The following LGALS9C variants were observed in gnomAD, a reference collection of about 807,000 sequenced individuals.
LGALS9C encodes galectin-9C.
In LGALS9C, 7 loss-of-function variants were observed where a neutral mutation model predicts 41.3. That is an observed-to-expected ratio of 0.17 (90% CI 0.10 to 0.32). The LOEUF is 0.32. Among genes scored for constraint, LGALS9C ranks in the 10% least tolerant of loss-of-function variants. The probability of loss-of-function intolerance (pLI) is 1.00; values close to 1 mark genes in which losing one functional copy is unlikely to be tolerated. For missense variants in LGALS9C, 102 were observed against 455.2 expected (o/e 0.22, Z 7.06); for synonymous variants, 44 against 171.0 (o/e 0.26, Z 5.80).
chr17:18,485,017 C>T (rs1989542608), intron 2 of LGALS9C, among the ~76,000 whole-genome samples: 1 of 127,406 alleles, frequency 7.8e-6, no homozygotes, highest in African/African-American at 2.5e-5. Flanking sequence ...TGCACGGAGA[C>T]AGATCCTACC....
At position 18,477,843 on chromosome 17, in the gene LGALS9C, C is replaced by A. The variant is rs1349377972; in HGVS notation, c.39+950C>A. Among the ~76,000 whole-genome samples the A allele has an allele frequency of 3.3e-3, 430 of 129,080 alleles. 10 individuals are homozygous for A. Among genetic ancestry groups the A allele is most frequent in the African/African-American group, 0.011 (418 of 39,134 alleles). 84.7% of individuals were successfully genotyped at this position (129,080 alleles called of 152,430 possible). A position where few individuals can be genotyped will look rare whatever the true frequency, so the allele number is the denominator to read the frequency against. On this transcript the variant is annotated intron_variant, in intron 1 of 10. Coordinates refer to ENST00000328114, the MANE Select transcript of LGALS9C (RefSeq NM_001040078.3). ...GGGCTGGAGTGGGTGGGCTGATGGG[C>A]CCTTCCTGAGTGGGGAGGCAGAATG...
intron 4 of LGALS9C, 121 bp downstream of exon 4, chr17:18,487,878 C>T: frequency 5.0e-6 from 5 of 1,005,772 alleles, no homozygotes; most frequent in Non-Finnish European, 7.3e-6. Context: ...TGGGGACAAC[C>T]TCTGCTTCCC....
rs563555019 is a variant in LGALS9C at position 18,491,027 on chromosome 17, G to A, written c.577-246G>A. 9.4e-6 allele frequency: 5 copies of A among 532,704 alleles called. 1 individual carries two copies. In the Admixed American group the frequency reaches 9.8e-5, roughly 10 times the overall value. 33.0% of individuals were successfully genotyped at this position (532,704 alleles called of 1,614,324 possible). On this transcript the variant is annotated intron_variant, in intron 6 of 10. Transcript: ENST00000328114. Reference sequence around the variant, plus strand: ...TTCACTTCTCTCACCTGCAAAGGGAGGCTAGGCTGAGAGACGTTTCCCCGA... The same window carrying A: ...TTCACTTCTCTCACCTGCAAAGGGAAGCTAGGCTGAGAGACGTTTCCCCGA...
rs146638635 is a variant in LGALS9C at position 18,491,281 on chromosome 17, A to T, written c.585A>T (p.Thr195=). ...RPANPAPITQ[T]VIHTVQSASG... ...TGGTTTCTTTCTTCCAGACCCAGACAGTCATCCACACGGTGCAGAGTGCCT... is the reference window on the plus strand; with the variant it reads ...TGGTTTCTTTCTTCCAGACCCAGACTGTCATCCACACGGTGCAGAGTGCCT... Residue 195 remains threonine (T), a synonymous_variant, in exon 7 of 11, where the codon ACA becomes ACT. Coordinates refer to ENST00000328114, the MANE Select transcript of LGALS9C (RefSeq NM_001040078.3). The T allele has an allele frequency of 3.9e-5, 58 of 1,486,120 alleles. 7 individuals are homozygous for T. Among genetic ancestry groups the T allele is most frequent in the Non-Finnish European group, 9.2e-7 (1 of 1,082,982 alleles). 92.1% of individuals were successfully genotyped at this position (1,486,120 alleles called of 1,614,324 possible).
chr17:18,478,331 C>A (rs1438644990), intron 1 of LGALS9C, among the ~76,000 whole-genome samples: 1 of 122,918 alleles, frequency 8.1e-6, no homozygotes. Flanking sequence ...CTCCTATGCA[C>A]ATCAGAGAGT....
At chr17:18,481,992 T>C (rs1157752579) in intron 1 of LGALS9C, among the ~76,000 whole-genome samples, 2 of 150,214 alleles carry the variant, frequency 1.3e-5, no homozygotes, top group Admixed American at 6.6e-5. Context: ...CACACACCCA[T>C]CACTCTGCTC....
intron 5 of LGALS9C, chr17:18,489,859 C>G (rs1042064589): frequency 8.7e-6 from 1 of 115,520 alleles, no homozygotes; most frequent in African/African-American, 3.2e-5. Flanking sequence ...TTCATTTGCA[C>G]AGTGCCTGGC....
intron 2 of LGALS9C, among the ~76,000 whole-genome samples, chr17:18,484,662 C>T (rs1460482911): frequency 1.3e-5 from 2 of 150,056 alleles, no homozygotes; most frequent in Admixed American, 6.6e-5. Flanking sequence ...CTGCGGGGCC[C>T]ACAGAAGAGC....
chr17:18,483,746 TC>T (rs987590610), intron 1 of LGALS9C, 128 bp from the exon 2 acceptor site: 2 of 636,610 alleles, frequency 3.1e-6, no homozygotes, highest in African/African-American at 3.9e-5. Context: ...ACTCCTTCTG[TC>T]CTGGTCACAG....
At chr17:18,491,112 T>A (rs1651833566) in intron 6 of LGALS9C, 161 bp from the exon 7 acceptor site, 2 of 1,020,198 alleles carry the variant, frequency 2.0e-6, no homozygotes, top group African/African-American at 3.5e-5. Flanking sequence ...GTCCTAACCT[T>A]TGCCTCTCCC....
chr17:18,494,187 CAAGTG>C (rs1430415861), intron 10 of LGALS9C, 29 bp from the exon 11 acceptor site: 1 of 1,100,724 alleles, frequency 9.1e-7, no homozygotes, highest in East Asian at 2.4e-5. Context: ...GAGGACTTCC[CAAGTG>C]TAGTGCAAAC....
At chr17:18,477,461 G>A (rs1405192747) in intron 1 of LGALS9C, among the ~76,000 whole-genome samples, 7 of 123,896 alleles carry the variant, frequency 5.6e-5, no homozygotes, top group African/African-American at 1.5e-4. Context: ...TGGGAGTCTG[G>A]GTGCAGCAGG....
chr17:18,483,448 G>A (rs1273162166), intron 1 of LGALS9C, among the ~76,000 whole-genome samples: 2 of 115,382 alleles, frequency 1.7e-5, no homozygotes, highest in Non-Finnish European at 4.2e-5. Flanking sequence ...CAGCCAGGGC[G>A]CTGGGCACTT....
At chr17:18,480,383 A>G (rs1184062854) in intron 1 of LGALS9C, among the ~76,000 whole-genome samples, 1 of 114,270 alleles carries the variant, frequency 8.8e-6, no homozygotes, top group Non-Finnish European at 2.1e-5. Context: ...CCATGCCAAA[A>G]TTATGCATTT....
chr17:18,489,837 G>A (rs1341925433), intron 5 of LGALS9C: 1 of 112,558 alleles, frequency 8.9e-6, no homozygotes, highest in African/African-American at 3.3e-5. Context: ...AGAGGGCTGG[G>A]ACTGTGGGTC....
rs1598136785 is a variant in LGALS9C at position 18,476,893 on chromosome 17, A to C, written c.39A>C (p.Pro13=). 2 of 1,601,248 alleles carry C rather than the reference A, an allele frequency of 1.2e-6. No homozygotes were observed. Among genetic ancestry groups the C allele is most frequent in the East Asian group, 2.2e-5 (1 of 44,886 alleles). ...GTTGCCAGGCTCCCTATCTGAGCCC[A>C]GTGAGTTCCGGGGCCGTGGGCACAG... The part of the protein sequence containing the change: ...FSGCQAPYLS[P]AVPFSGTIQG... Residue 13 remains proline (P), a splice_region_variant and synonymous_variant, in exon 1 of 11, where the codon CCA becomes CCC. Coordinates refer to ENST00000328114, the MANE Select transcript of LGALS9C (RefSeq NM_001040078.3).
At position 18,491,357 on chromosome 17, in the gene LGALS9C, C is replaced by T; in HGVS notation, c.627+34C>T. On this transcript the variant is annotated intron_variant, in intron 7 of 10. Coordinates refer to ENST00000328114, the MANE Select transcript of LGALS9C (RefSeq NM_001040078.3). Reference sequence around the variant, plus strand: ...TCAAGTTCTGATCAGTTCACAGCTGCACAGTGCCCTCCTTCCCCAAGAACT... The same window carrying T: ...TCAAGTTCTGATCAGTTCACAGCTGTACAGTGCCCTCCTTCCCCAAGAACT... 2.0e-6 allele frequency: 3 copies of T among 1,472,386 alleles called. 1 individual carries two copies. Among genetic ancestry groups the T allele is most frequent in the Non-Finnish European group, 2.8e-6 (3 of 1,073,458 alleles). The allele number at this position is 1,472,386 out of a possible 1,614,324, so 91.2% of individuals were successfully genotyped here. A position where few individuals can be genotyped will look rare whatever the true frequency, so the allele number is the denominator to read the frequency against.
chr17:18,485,752 C>T (rs199717230), intron 2 of LGALS9C, 182 bp from the exon 3 acceptor site: 78,283 of 551,742 alleles, frequency 0.14, 7,214 homozygotes, highest in African/African-American at 0.38. Flanking sequence ...ATGCAATAAT[C>T]GCACAAAAAC....
chr17:18,484,664 C>A (rs1453385199), intron 2 of LGALS9C, among the ~76,000 whole-genome samples: 1 of 150,114 alleles, frequency 6.7e-6, no homozygotes, highest in African/African-American at 2.4e-5. Context: ...GCGGGGCCCA[C>A]AGAAGAGCCT....
Sources: allele counts gnomAD v4.1 joint callset (sites outside exome capture counted in the v4.1 genomes callset), GRCh38; gene constraint gnomAD v4.1.1; transcripts MANE v1.5; gene names NCBI Gene and HGNC (gene_info 2026-07-23, HGNC 2026-07-21).